Variants in KCNIP4 observed in about 807,000 individuals in gnomAD.
KCNIP4 encodes the protein potassium voltage-gated channel interacting protein 4, also known as Kv channel-interacting protein 4.
KCNIP4 carries 12 observed loss-of-function variants against 34.0 expected under a neutral mutation model. The ratio of observed to expected loss-of-function variants is 0.35; its 90% confidence interval spans 0.23 to 0.57. KCNIP4 has a LOEUF of 0.57. KCNIP4 is among the 20% of genes least tolerant of loss of function. KCNIP4 has a pLI of 0.83. For missense variants in KCNIP4, 238 were observed against 311.7 expected (o/e 0.76, Z 1.78); for synonymous variants, 124 against 102.2 (o/e 1.21, Z -1.29).
intron 1 of KCNIP4, among the ~76,000 whole-genome samples, chr4:21,104,791 C>T (rs28843753): frequency 2.0e-5 from 3 of 151,348 alleles, no homozygotes; most frequent in African/African-American, 7.4e-5. Context: ...AGGAAGGGAT[C>T]CAGTTTCAGC....
intron 1 of KCNIP4, among the ~76,000 whole-genome samples, chr4:21,772,687 A>G (rs1718882343): frequency 6.6e-6 from 1 of 152,050 alleles, no homozygotes; most frequent in Non-Finnish European, 1.5e-5. Flanking sequence ...CATTTCTTCT[A>G]GATTTTCTAG....
chr4:21,068,732 T>C (rs1231252193), intron 1 of KCNIP4, among the ~76,000 whole-genome samples: 2 of 152,224 alleles, frequency 1.3e-5, no homozygotes, highest in Non-Finnish European at 2.9e-5. Flanking sequence ...ACCCTAAATG[T>C]AGTAATAGTA....
At chr4:21,488,787 C>G (rs967455036) in intron 1 of KCNIP4, among the ~76,000 whole-genome samples, 1 of 151,954 alleles carries the variant, frequency 6.6e-6, no homozygotes, top group Admixed American at 6.6e-5. Flanking sequence ...AATGATTAAT[C>G]AAACTGTCAG....
intron 1 of KCNIP4, among the ~76,000 whole-genome samples, chr4:21,106,185 T>C (rs1205251661): frequency 1.3e-5 from 2 of 151,064 alleles, no homozygotes; most frequent in African/African-American, 4.9e-5. Flanking sequence ...CAGTTCCTCC[T>C]TGTGCCTCTG....
intron 1 of KCNIP4, among the ~76,000 whole-genome samples, chr4:21,094,986 A>G (rs1030705): frequency 0.16 from 24,258 of 152,194 alleles, 2,045 homozygotes; most frequent in East Asian, 0.23. Context: ...AAATAGAATG[A>G]AAAAATGTTT....
intron 1 of KCNIP4, among the ~76,000 whole-genome samples, chr4:21,568,676 C>G (rs1231089649): frequency 6.6e-6 from 1 of 152,102 alleles, no homozygotes; most frequent in Non-Finnish European, 1.5e-5. Context: ...TTGGACTTAC[C>G]CCAGTGCTTT....
At position 21,714,831 on chromosome 4, in the gene KCNIP4, T is replaced by G. The variant is rs375166007; in HGVS notation, c.61+233740A>C. Among the ~76,000 whole-genome samples, 3 of 3,348 alleles carry G rather than the reference T, an allele frequency of 9.0e-4. 1 individual carries two copies. The highest frequency in any genetic ancestry group is 0.013 in the African/African-American group (2 of 160). The allele number at this position is 3,348 out of a possible 152,430, so 2.2% of individuals were successfully genotyped here. ...TTTATTTTATTTTATTTTATTTTAT[T>G]TTATTTTATTTTATTTTATTTTATT... On this transcript the variant is annotated intron_variant, in intron 1 of 8. Coordinates refer to ENST00000382152, the MANE Select transcript of KCNIP4 (RefSeq NM_025221.6).
chr4:20,992,247 A>G (rs1737139533), intron 1 of KCNIP4, among the ~76,000 whole-genome samples: 1 of 152,122 alleles, frequency 6.6e-6, no homozygotes, highest in Non-Finnish European at 1.5e-5. Context: ...AGGGCAAAGG[A>G]GAAGCAGGCA....
At chr4:21,916,020 C>T (rs1210652090) in intron 1 of KCNIP4, among the ~76,000 whole-genome samples, 1 of 152,204 alleles carries the variant, frequency 6.6e-6, no homozygotes, top group East Asian at 1.9e-4. Context: ...CACAGCTTTT[C>T]GTTTCCAGTT....
At chr4:20,887,408 A>G (rs1481205464) in intron 1 of KCNIP4, among the ~76,000 whole-genome samples, 1 of 151,154 alleles carries the variant, frequency 6.6e-6, no homozygotes, top group Non-Finnish European at 1.5e-5. Flanking sequence ...AAGTATAATA[A>G]ATAAATAAAT....
At chr4:20,962,291 T>G (rs1333547494) in intron 1 of KCNIP4, among the ~76,000 whole-genome samples, 1 of 152,148 alleles carries the variant, frequency 6.6e-6, no homozygotes, top group African/African-American at 2.4e-5. Flanking sequence ...ACACAGCGAA[T>G]TTTGTGACTG....
intron 1 of KCNIP4, among the ~76,000 whole-genome samples, chr4:21,217,209 C>A (rs867795640): frequency 2.6e-5 from 4 of 152,154 alleles, no homozygotes; most frequent in Admixed American, 6.5e-5. Flanking sequence ...ATTACTTGAC[C>A]TACTGTTAAT....
chr4:21,194,315 C>T (rs572212603), intron 1 of KCNIP4, among the ~76,000 whole-genome samples: 1 of 152,104 alleles, frequency 6.6e-6, no homozygotes, highest in African/African-American at 2.4e-5. Context: ...ACCTATGACT[C>T]CTGCCACTTC....
At chr4:21,589,621 T>C (rs1201041127) in intron 1 of KCNIP4, among the ~76,000 whole-genome samples, 1 of 151,898 alleles carries the variant, frequency 6.6e-6, no homozygotes, top group South Asian at 2.1e-4. Flanking sequence ...TTTCGAACTA[T>C]GTATGAGGTT....
intron 1 of KCNIP4, among the ~76,000 whole-genome samples, chr4:21,150,054 T>C (rs1752650906): frequency 6.6e-6 from 1 of 152,188 alleles, no homozygotes; most frequent in Non-Finnish European, 1.5e-5. Flanking sequence ...AGGGCAATGA[T>C]AGAATTGCCT....
intron 1 of KCNIP4, among the ~76,000 whole-genome samples, chr4:21,155,766 T>G (rs1753099177): frequency 6.6e-6 from 1 of 152,144 alleles, no homozygotes; most frequent in South Asian, 2.1e-4. Flanking sequence ...AGGGGCAGAA[T>G]GAGTGGACTA....
intron 3 of KCNIP4, among the ~76,000 whole-genome samples, chr4:20,798,693 C>A (rs972750616): frequency 6.6e-6 from 1 of 152,242 alleles, no homozygotes; most frequent in Non-Finnish European, 1.5e-5. Flanking sequence ...TCGCCTCCGC[C>A]ACTCCATCCC....
chr4:21,042,731 A>C (rs1421491594), intron 1 of KCNIP4, among the ~76,000 whole-genome samples: 3 of 152,164 alleles, frequency 2.0e-5, no homozygotes, highest in African/African-American at 7.2e-5. Flanking sequence ...AATGCCGATC[A>C]CTCTGATTTG....
chr4:21,092,932 T>A (rs1196692153), intron 1 of KCNIP4, among the ~76,000 whole-genome samples: 1 of 152,220 alleles, frequency 6.6e-6, no homozygotes, highest in Non-Finnish European at 1.5e-5. Flanking sequence ...ACAGAAGTAT[T>A]TGATACAAGG....
Sources: gnomAD v4.1 joint callset for allele counts (sites outside exome capture counted in the v4.1 genomes callset) on GRCh38, gnomAD v4.1.1 for gene constraint, MANE v1.5 for transcripts, NCBI Gene and HGNC (gene_info 2026-07-23, HGNC 2026-07-21) for gene names.